Variants in ST6GALNAC3 observed in about 807,000 individuals in gnomAD.
The protein encoded by ST6GALNAC3 is ST6 N-acetylgalactosaminide alpha-2,6-sialyltransferase 3.
Under a neutral mutation model 32.7 loss-of-function variants are expected in ST6GALNAC3, and 25 were observed. The ratio of observed to expected loss-of-function variants is 0.76; its 90% confidence interval spans 0.56 to 1.07. The LOEUF (loss-of-function observed/expected upper bound fraction) is 1.07. Ranked by LOEUF, ST6GALNAC3 falls within the 50% of genes least tolerant of loss-of-function variation. The pLI, the probability that ST6GALNAC3 is intolerant of heterozygous loss-of-function variation, is 0.00. For synonymous variants in ST6GALNAC3, 129 were observed against 133.1 expected (o/e 0.97, Z 0.21); for missense variants, 355 against 382.4 (o/e 0.93, Z 0.60).
At chr1:76,401,024 A>G (rs191285896) in intron 2 of ST6GALNAC3, among the ~76,000 whole-genome samples, 1 of 152,056 alleles carries the variant, frequency 6.6e-6, no homozygotes, top group Non-Finnish European at 1.5e-5. Flanking sequence ...ATGAAGCTTT[A>G]CTATAATGTT....
At chr1:76,611,362 A>G (rs1647922080) in intron 3 of ST6GALNAC3, among the ~76,000 whole-genome samples, 1 of 152,172 alleles carries the variant, frequency 6.6e-6, no homozygotes, top group Non-Finnish European at 1.5e-5. Flanking sequence ...AATTGCACAT[A>G]ATACAATTCT....
chr1:76,430,062 T>C (rs1655650218), intron 3 of ST6GALNAC3, among the ~76,000 whole-genome samples: 4 of 152,184 alleles, frequency 2.6e-5, no homozygotes, highest in Admixed American at 2.6e-4. Context: ...ATTCAATCTG[T>C]TTAAATTTGA....
chr1:76,387,320 A>G (rs967307126), intron 2 of ST6GALNAC3, among the ~76,000 whole-genome samples: 1 of 152,166 alleles, frequency 6.6e-6, no homozygotes, highest in Non-Finnish European at 1.5e-5. Flanking sequence ...AGGGGACAGT[A>G]CAGTGCCTGG....
chr1:76,475,624 T>C (rs1367876320), intron 3 of ST6GALNAC3, among the ~76,000 whole-genome samples: 2 of 152,218 alleles, frequency 1.3e-5, no homozygotes, highest in African/African-American at 2.4e-5. Context: ...CAGATGATTT[T>C]AAAATTTACA....
At chr1:76,517,994 TA>T (rs1662277210) in intron 3 of ST6GALNAC3, among the ~76,000 whole-genome samples, 2 of 152,046 alleles carry the variant, frequency 1.3e-5, no homozygotes, top group Non-Finnish European at 2.9e-5. Flanking sequence ...CTGTAACTAT[TA>T]AAAATAAGTC....
At chr1:76,091,600 C>T (rs1445266563) in intron 1 of ST6GALNAC3, among the ~76,000 whole-genome samples, 14 of 152,228 alleles carry the variant, frequency 9.2e-5, no homozygotes, top group African/African-American at 2.9e-4. Context: ...GGCAGACTGC[C>T]TATATGACAG....
chr1:76,330,157 AT>A (rs72496667), intron 2 of ST6GALNAC3, among the ~76,000 whole-genome samples: 1,661 of 141,636 alleles, frequency 0.012, 37 homozygotes, highest in African/African-American at 0.042. Flanking sequence ...GGGTTAAGTA[AT>A]TTTTTTTTTC....
intron 1 of ST6GALNAC3, among the ~76,000 whole-genome samples, chr1:76,132,676 T>C (rs1649688934): frequency 6.6e-6 from 1 of 152,158 alleles, no homozygotes; most frequent in Non-Finnish European, 1.5e-5. Context: ...CTACAGTGGC[T>C]TCCACCTTGC....
intron 1 of ST6GALNAC3, among the ~76,000 whole-genome samples, chr1:76,312,866 C>T (rs1017715355): frequency 2.0e-5 from 3 of 152,120 alleles, no homozygotes; most frequent in African/African-American, 7.2e-5. Flanking sequence ...TTCTTGTCTG[C>T]GTGCTGTTTC....
chr1:76,588,290 A>T (rs1646994546), intron 3 of ST6GALNAC3, among the ~76,000 whole-genome samples: 1 of 152,094 alleles, frequency 6.6e-6, no homozygotes, highest in African/African-American at 2.4e-5. Flanking sequence ...CCATATCCAA[A>T]TAAAGTGTAT....
At chr1:76,490,454 T>C (rs911400620) in intron 3 of ST6GALNAC3, among the ~76,000 whole-genome samples, 2 of 148,914 alleles carry the variant, frequency 1.3e-5, no homozygotes, top group African/African-American at 4.9e-5. Context: ...TTATATGTTA[T>C]ATATTATATA....
At chr1:76,083,264 G>A (rs1646921738) in intron 1 of ST6GALNAC3, among the ~76,000 whole-genome samples, 1 of 152,242 alleles carries the variant, frequency 6.6e-6, no homozygotes, top group Admixed American at 6.5e-5. Flanking sequence ...AATGACTGTC[G>A]TGAGTTGATC....
intron 3 of ST6GALNAC3, among the ~76,000 whole-genome samples, chr1:76,511,468 G>A (rs956981745): frequency 6.6e-6 from 1 of 152,186 alleles, no homozygotes; most frequent in East Asian, 1.9e-4. Flanking sequence ...TCCCTAGCCT[G>A]TGTGCGGTGC....
intron 3 of ST6GALNAC3, among the ~76,000 whole-genome samples, chr1:76,610,489 TC>T (rs1227539363): frequency 6.6e-6 from 1 of 151,978 alleles, no homozygotes; most frequent in Non-Finnish European, 1.5e-5. Flanking sequence ...GAACCAAACT[TC>T]TCCATGAGTA....
rs1654275019 is a variant in ST6GALNAC3 at position 76,412,038 on chromosome 1, A to T, written c.244A>T (p.Ile82Leu). ...PLQLDCDLCA[I>L]VSNSGQMVGQ... ...GCAACTGGACTGTGACCTTTGTGCC[A>T]TAGTGTCAAACTCAGGTCAGATGGT... Residue 82 changes from isoleucine (I) to leucine (L), a missense_variant, in exon 3 of 5, where the codon ATA becomes TTA. By Grantham distance (5) the Ile-to-Leu change is conservative. Transcript: ENST00000328299. The T allele has an allele frequency of 6.2e-7, 1 of 1,613,398 alleles. No homozygotes were observed. Among genetic ancestry groups the T allele is most frequent in the Admixed American group, 1.7e-5 (1 of 59,922 alleles).
chr1:76,584,483 T>G (rs1174714637), intron 3 of ST6GALNAC3, among the ~76,000 whole-genome samples: 1 of 152,226 alleles, frequency 6.6e-6, no homozygotes, highest in Non-Finnish European at 1.5e-5. Flanking sequence ...AGCCATGATT[T>G]CATAATTGTA....
intron 3 of ST6GALNAC3, among the ~76,000 whole-genome samples, chr1:76,436,693 TA>T (rs1033108397): frequency 6.6e-6 from 1 of 152,136 alleles, no homozygotes; most frequent in Non-Finnish European, 1.5e-5. Flanking sequence ...ATTCTTACAA[TA>T]ATTTTTCCTT....
intron 2 of ST6GALNAC3, among the ~76,000 whole-genome samples, chr1:76,411,203 T>A (rs1483524898): frequency 6.6e-6 from 1 of 152,120 alleles, no homozygotes; most frequent in Non-Finnish European, 1.5e-5. Flanking sequence ...GGCTTAGAGT[T>A]AGACGATCTA....
At chr1:76,240,216 T>A (rs953944415) in intron 1 of ST6GALNAC3, among the ~76,000 whole-genome samples, 2 of 152,234 alleles carry the variant, frequency 1.3e-5, no homozygotes, top group Non-Finnish European at 2.9e-5. Flanking sequence ...TTTTCACTAG[T>A]GATGTGGTAT....
Sources: allele counts gnomAD v4.1 joint callset (sites outside exome capture counted in the v4.1 genomes callset), GRCh38; gene constraint gnomAD v4.1.1; transcripts MANE v1.5; gene names NCBI Gene and HGNC (gene_info 2026-07-23, HGNC 2026-07-21).